DUSP12: variants seen among roughly 807,000 people sequenced by gnomAD.
DUSP12 encodes dual specificity phosphatase 12.
Under a neutral mutation model 38.9 loss-of-function variants are expected in DUSP12, and 25 were observed. The observed-to-expected ratio is 0.64, with a 90% CI of 0.47 to 0.90. The LOEUF (loss-of-function observed/expected upper bound fraction) is 0.90. DUSP12 is among the 40% of genes least tolerant of loss of function. DUSP12 has a pLI of 0.00. For missense variants in DUSP12, 403 were observed against 427.0 expected, an observed-to-expected ratio of 0.94 and a Z score of 0.50; for synonymous variants, 153 against 153.9, an observed-to-expected ratio of 0.99 and a Z score of 0.05.
At chr1:161,755,740 T>C (rs1385749848) in intron 5 of DUSP12, among the ~76,000 whole-genome samples, 1 of 152,242 alleles carries the variant, frequency 6.6e-6, no homozygotes, top group Non-Finnish European at 1.5e-5. Context: ...TAATAGTTCA[T>C]CTAATATATT....
intron 5 of DUSP12, among the ~76,000 whole-genome samples, chr1:161,753,631 G>A (rs866729945): frequency 2.0e-5 from 3 of 151,810 alleles, no homozygotes; most frequent in African/African-American, 7.3e-5. Flanking sequence ...AGGCTGAGGC[G>A]GGAGGATCAC....
chr1:161,750,892 T>G (rs1376956776), intron 1 of DUSP12, among the ~76,000 whole-genome samples: 3 of 152,010 alleles, frequency 2.0e-5, no homozygotes, highest in Non-Finnish European at 4.4e-5. Flanking sequence ...GCCACAGCAC[T>G]CCAGCCTGGG....
At chr1:161,753,454 G>GTGAA (rs1340061626) in intron 5 of DUSP12, 193 bp downstream of exon 5, 2 of 392,254 alleles carry the variant, frequency 5.1e-6, no homozygotes, top group Non-Finnish European at 8.7e-6. Flanking sequence ...ATCCAACATA[G>GTGAA]TGAACTACTT....
chr1:161,750,538 G>A lies in DUSP12; in HGVS notation c.344+393G>A, dbSNP rs114284107. Among the ~76,000 whole-genome samples, 488 of 152,320 alleles carry A rather than the reference G, an allele frequency of 3.2e-3. 4 individuals carry two copies. The highest frequency in any genetic ancestry group is 0.011 in the African/African-American group (476 of 41,572). ...GATTTACAAAGATTTAGGGTTAAAT[G>A]TTTTTGTTTGGGATGGGTGGCGGGT... On this transcript the variant is annotated intron_variant, in intron 1 of 5. Coordinates refer to ENST00000367943, the MANE Select transcript of DUSP12 (RefSeq NM_007240.3).
At chr1:161,751,070 C>T (rs1684011805) in intron 1 of DUSP12, 1 of 152,218 alleles carries the variant, frequency 6.6e-6, no homozygotes, top group Admixed American at 6.5e-5. Flanking sequence ...TCCCTGAATG[C>T]TAAGATGAAA....
intron 5 of DUSP12, 115 bp from the exon 6 acceptor site, chr1:161,756,671 A>T: frequency 8.3e-7 from 1 of 1,200,310 alleles, no homozygotes; most frequent in Non-Finnish European, 1.2e-6. Flanking sequence ...TGATTAGATT[A>T]TAAACTCAAC....
rs146202956 is a variant in DUSP12, at chr1:161,751,801, T to G, written c.458+20T>G. ...GGCTAAGTGGGTTCTTTTTTTATAG[T>G]AATAATTATGCTTTTGTGATATAAT... On this transcript the variant is annotated intron_variant, in intron 2 of 5. Transcript: ENST00000367943. 257 of 1,603,296 alleles carry G rather than the reference T, an allele frequency of 1.6e-4. No individual in the cohort carries two copies. In the African/African-American group the frequency reaches 3.2e-3, roughly 20 times the overall value.
In DUSP12 at chr1:161,749,951, A is replaced by G. The variant is rs750902601; in HGVS notation, c.150A>G (p.Glu50=). The G allele has an allele frequency of 6.2e-7, 1 of 1,613,944 alleles. No individual in the cohort carries two copies. The change falls in exon 1 of 6, where the codon GAA becomes GAG. Residue 50 remains glutamate (E), a synonymous_variant. Transcript: ENST00000367943. ...TCGCGGAGCCAGATCACCTGAGGGA[A>G]GCGGGCATCACGGCCGTGCTAACAG... The part of the protein sequence containing the change: ...AAVAEPDHLR[E]AGITAVLTVD...
At chr1:161,756,483 CTA>C (rs10527814) in intron 5 of DUSP12, among the ~76,000 whole-genome samples, 6,049 of 124,154 alleles carry the variant, frequency 0.049, 181 homozygotes, top group East Asian at 0.11. Flanking sequence ...GATTTAAAAG[CTA>C]TATATATATA....
In DUSP12 at chr1:161,750,089, G is replaced by C; in HGVS notation, c.288G>C (p.Arg96=). The stretch of plus-strand genomic sequence containing the variant: ...CGGACCTACTCAGCCATCTGGACCG[G>C]TGCGTGGCCTTCATCGGTCAGGCCC... The part of the protein sequence containing the change: ...PETDLLSHLD[R]CVAFIGQARA... Residue 96 remains arginine, a synonymous_variant, in exon 1 of 6, where the codon CGG becomes CGC. Coordinates refer to ENST00000367943, the MANE Select transcript of DUSP12 (RefSeq NM_007240.3). The C allele has an allele frequency of 6.2e-7, 1 of 1,613,982 alleles. No homozygotes were observed. The highest frequency in any genetic ancestry group is 1.1e-5 in the South Asian group (1 of 91,092).
intron 5 of DUSP12, 71 bp downstream of exon 5, chr1:161,753,332 T>C: frequency 3.0e-6 from 4 of 1,320,384 alleles, no homozygotes; most frequent in Non-Finnish European, 3.0e-6. Flanking sequence ...CATTTTAAGC[T>C]CTATTTTAAC....
In DUSP12 at chr1:161,752,453, T is replaced by C; in HGVS notation, c.663T>C (p.Cys221=). 2 of 1,608,094 alleles carry C rather than the reference T, an allele frequency of 1.2e-6. No individual in the cohort carries two copies. Among genetic ancestry groups the C allele is most frequent in the Non-Finnish European group, 1.7e-6 (2 of 1,175,432 alleles). ...TGAAAGATGAGGTTCTCTACAAGTG[T>C]AGAAAGTGCAGGTAAACTATTTTAT... The part of the protein sequence containing the change: ...QGLKDEVLYK[C]RKCRRSLFRS... Residue 221 remains cysteine (C), a synonymous_variant, in exon 4 of 6, where the codon TGT becomes TGC. Coordinates refer to ENST00000367943, the MANE Select transcript of DUSP12 (RefSeq NM_007240.3).
At position 161,757,085 on chromosome 1, in the gene DUSP12, G is replaced by A; in HGVS notation, c.*138G>A. ...AGATAAAATCACTTGATGTAACCTG[G>A]AAACTATGCTTTACATGGCAATCAA... On this transcript the variant is annotated 3_prime_UTR_variant, in exon 6 of 6. Coordinates refer to ENST00000367943, the MANE Select transcript of DUSP12 (RefSeq NM_007240.3). The A allele has an allele frequency of 2.5e-6, 2 of 804,360 alleles. No homozygotes were observed. The highest frequency in any genetic ancestry group is 1.9e-6 in the Non-Finnish European group (1 of 531,096). 49.8% of individuals were successfully genotyped at this position (804,360 alleles called of 1,614,324 possible).
At position 161,750,110 on chromosome 1, in the gene DUSP12, G is replaced by C. The variant is rs530478292; in HGVS notation, c.309G>C (p.Gln103His). 1 of 1,613,820 alleles carries C rather than the reference G, an allele frequency of 6.2e-7. No homozygotes were observed. Among genetic ancestry groups the C allele is most frequent in the South Asian group, 1.1e-5 (1 of 91,080 alleles). Residue 103 changes from glutamine to histidine, a missense_variant, in exon 1 of 6, where the codon CAG becomes CAC. Physicochemically the swap from Gln to His is conservative, Grantham distance 24 (BLOSUM62 0). Transcript: ENST00000367943. ...HLDRCVAFIG[Q>H]ARAEGRAVLV... is the part of the protein sequence containing the mutation. The stretch of plus-strand genomic sequence containing the variant: ...ACCGGTGCGTGGCCTTCATCGGTCA[G>C]GCCCGCGCTGAGGGCCGTGCGGTGT...
Position 161,757,063 on chromosome 1 carries a change from T to TA in DUSP12, c.*120dup. On this transcript the variant is annotated 3_prime_UTR_variant, in exon 6 of 6. Coordinates refer to ENST00000367943, the MANE Select transcript of DUSP12 (RefSeq NM_007240.3). Reference sequence around the variant, plus strand: ...ACATTTCATTTGAAATGGGAGAAGATAAAATCACTTGATGTAACCTGGAAA... The same window carrying TA: ...ACATTTCATTTGAAATGGGAGAAGATAAAAATCACTTGATGTAACCTGGAAA... 9.9e-7 allele frequency: 1 copy of TA among 1,009,438 alleles called. No homozygotes were observed. The highest frequency in any genetic ancestry group is 1.4e-6 in the Non-Finnish European group (1 of 708,212). The allele number at this position is 1,009,438 out of a possible 1,614,324, so 62.5% of individuals were successfully genotyped here. A position where few individuals can be genotyped will look rare whatever the true frequency, so the allele number is the denominator to read the frequency against.
intron 5 of DUSP12, among the ~76,000 whole-genome samples, chr1:161,755,186 G>A (rs1337592535): frequency 2.0e-5 from 3 of 151,990 alleles, no homozygotes; most frequent in Non-Finnish European, 4.4e-5. Flanking sequence ...AATTTTGATG[G>A]TATCTAATTT....
Position 161,751,718 on chromosome 1 carries a change from A to C in DUSP12, c.395A>C (p.Lys132Thr), listed in dbSNP as rs1445724832. ...SVAIITAFLMKTDQLPFEKAY... is the reference protein window; with the variant it reads ...SVAIITAFLMTTDQLPFEKAY... ...GCCATAATAACTGCTTTTCTCATGA[A>C]GACTGACCAACTTCCCTTTGAAAAA... Residue 132 changes from lysine (K) to threonine (T), a missense_variant, in exon 2 of 6, where the codon AAG becomes ACG. Coordinates refer to ENST00000367943, the MANE Select transcript of DUSP12 (RefSeq NM_007240.3). 5.0e-6 allele frequency: 8 copies of C among 1,613,608 alleles called. No homozygotes were observed. The African/African-American group carries it at 1.1e-4, about 22-fold the overall frequency.
Position 161,753,133 on chromosome 1 carries a change from G to A in DUSP12, c.733G>A (p.Ala245Thr). 1 of 1,613,900 alleles carries A rather than the reference G, an allele frequency of 6.2e-7. No homozygotes were observed. The highest frequency in any genetic ancestry group is 2.2e-5 in the East Asian group (1 of 44,864). Residue 245 changes from alanine (A) to threonine (T), a missense_variant, in exon 5 of 6, where the codon GCC becomes ACC. By Grantham distance (58) the Ala-to-Thr change is moderately conservative. Coordinates refer to ENST00000367943, the MANE Select transcript of DUSP12 (RefSeq NM_007240.3). ...TCACCGTGAAGGAAGTGGACCTATA[G>A]CCTTTGCCCACAAGAGAATGACACC... ...LDHREGSGPI[A>T]FAHKRMTPSS...
At chr1:161,754,225 A>G (rs543399413) in intron 5 of DUSP12, among the ~76,000 whole-genome samples, 1 of 152,348 alleles carries the variant, frequency 6.6e-6, no homozygotes, top group East Asian at 1.9e-4. Flanking sequence ...TAAAATAGGT[A>G]GAGCAGTTAT....
Sources: allele counts gnomAD v4.1 joint callset (sites outside exome capture counted in the v4.1 genomes callset), GRCh38; gene constraint gnomAD v4.1.1; transcripts MANE v1.5; gene names NCBI Gene and HGNC (gene_info 2026-07-23, HGNC 2026-07-21).